WNK3: variants seen among roughly 807,000 people sequenced by gnomAD.
WNK3 encodes WNK lysine deficient protein kinase 3.
Under a neutral mutation model 116.7 loss-of-function variants are expected in WNK3, and 18 were observed. The ratio of observed to expected loss-of-function variants is 0.15; its 90% CI spans 0.11 to 0.23. The LOEUF (loss-of-function observed/expected upper bound fraction) is 0.23. Ranked by LOEUF, WNK3 falls within the 10% of genes least tolerant of loss-of-function variation. The probability of loss-of-function intolerance (pLI) is 1.00; values close to 1 mark genes in which losing one functional copy is unlikely to be tolerated. For synonymous variants in WNK3, 404 were observed against 469.4 expected, an observed-to-expected ratio of 0.86 and a Z score of 1.80; for missense variants, 993 against 1,323.8, an observed-to-expected ratio of 0.75 and a Z score of 3.88.
chrX:54,228,585 G>A, intron 22 of WNK3, 129 bp downstream of exon 22: 1 of 332,584 alleles, frequency 3.0e-6, no homozygotes, highest in Non-Finnish European at 5.5e-6. Context: ...AAATCAAATT[G>A]TGGTAATAGC....
At chrX:54,199,947 T>C (rs781828218) in intron 23 of WNK3, among the ~76,000 whole-genome samples, 5 of 112,737 alleles carry the variant, frequency 4.4e-5, no homozygotes, top group Non-Finnish European at 7.5e-5. Flanking sequence ...CTCTTTGCTC[T>C]CTTCACTTCA....
At chrX:54,252,178 C>T (rs2068140470) in intron 13 of WNK3, among the ~76,000 whole-genome samples, 1 of 110,401 alleles carries the variant, frequency 9.1e-6, no homozygotes, top group African/African-American at 3.3e-5. Flanking sequence ...CAATAAAATG[C>T]CAAAAAATAC....
chrX:54,333,832 A>T lies in WNK3; in HGVS notation c.-119-40T>A, dbSNP rs1471446423. The T allele has an allele frequency of 1.2e-5, 5 of 422,398 alleles. No individual in the cohort carries two copies. The Admixed American group carries it at 1.7e-4, about 15-fold the overall frequency. 34.8% of individuals were successfully genotyped at this position (422,398 alleles called of 1,213,427 possible). A position where few individuals can be genotyped will look rare whatever the true frequency, so the allele number is the denominator to read the frequency against. On this transcript the variant is annotated intron_variant, in intron 1 of 23. Transcript: ENST00000354646. ...AAAGATATTTTAAAATCACCCTACA[A>T]AGGAAATCATTAAGGAGAAAACAAA...
At chrX:54,328,397 C>T (rs891284721) in intron 2 of WNK3, among the ~76,000 whole-genome samples, 1 of 109,749 alleles carries the variant, frequency 9.1e-6, no homozygotes, top group African/African-American at 3.3e-5. Context: ...AGGCTGGGCA[C>T]GGTGGCTCAT....
intron 22 of WNK3, among the ~76,000 whole-genome samples, chrX:54,222,584 A>G (rs1272092949): frequency 9.4e-6 from 1 of 106,075 alleles, no homozygotes; most frequent in Non-Finnish European, 1.9e-5. Context: ...AATGAAAAGT[A>G]TAGTATAATA....
chrX:54,211,814 A>G (rs1603372343), intron 22 of WNK3, among the ~76,000 whole-genome samples: 1 of 111,256 alleles, frequency 9.0e-6, no homozygotes. Context: ...CCTCAAAAAA[A>G]AAGAGACAAT....
chrX:54,215,187 CCCTCTCTCTCCGTCT>C (rs2067672299), intron 22 of WNK3, among the ~76,000 whole-genome samples: 1 of 108,882 alleles, frequency 9.2e-6, no homozygotes, highest in Non-Finnish European at 1.9e-5. Flanking sequence ...CTGGAGCTCT[CCCTCTCTCTCCGTCT>C]CCTCTCTCCC....
At chrX:54,284,541 A>G (rs1364559857) in intron 10 of WNK3, among the ~76,000 whole-genome samples, 1 of 112,171 alleles carries the variant, frequency 8.9e-6, no homozygotes, top group African/African-American at 3.2e-5. Context: ...TACAAAAAAA[A>G]AAACTTATAT....
chrX:54,203,650 C>T (rs2067522550), intron 22 of WNK3, among the ~76,000 whole-genome samples: 2 of 111,009 alleles, frequency 1.8e-5, no homozygotes, highest in South Asian at 3.9e-4. Flanking sequence ...GGCTAGAATC[C>T]AGATATCCTG....
chrX:54,281,976 G>A (rs1557162520), intron 10 of WNK3, among the ~76,000 whole-genome samples: 1 of 104,930 alleles, frequency 9.5e-6, no homozygotes, highest in Non-Finnish European at 1.9e-5. Flanking sequence ...ATGCCCAGAA[G>A]TGGAATGGCT....
intron 7 of WNK3, among the ~76,000 whole-genome samples, chrX:54,297,206 C>A (rs1055685171): frequency 9.0e-6 from 1 of 111,251 alleles, no homozygotes; most frequent in African/African-American, 3.3e-5. Context: ...GCATGCTTGC[C>A]ATTCAGTTTT....
intron 10 of WNK3, among the ~76,000 whole-genome samples, chrX:54,278,176 G>A (rs1455898744): frequency 1.8e-5 from 2 of 109,276 alleles, no homozygotes; most frequent in East Asian, 5.7e-4. Flanking sequence ...TAACAAAAGA[G>A]CCTTAGGATT....
In WNK3 at chrX:54,207,093, A is replaced by G. The variant is rs782508521; in HGVS notation, c.4871-4900T>C. Among the ~76,000 whole-genome samples the G allele has an allele frequency of 6.6e-5, 7 of 106,417 alleles. No homozygotes were observed. The South Asian group carries it at 2.4e-3, about 36-fold the overall frequency. The allele number at this position is 106,417 out of a possible 115,157, so 92.4% of individuals were successfully genotyped here. On this transcript the variant is annotated intron_variant, in intron 22 of 23. Transcript: ENST00000354646. ...CTGTTTTCAGATAAAATGCTGCTTA[A>G]AAAAAAAAAAAGCTTCAACAGTTCT... is the stretch of plus-strand genomic sequence containing the variant.
chrX:54,335,231 G>A (rs1024131061), intron 1 of WNK3, among the ~76,000 whole-genome samples: 4 of 110,511 alleles, frequency 3.6e-5, no homozygotes, highest in Admixed American at 2.9e-4. Context: ...CCTGGGCGAC[G>A]GAGACTCTGT....
At chrX:54,293,679 T>C (rs2068665917) in intron 8 of WNK3, among the ~76,000 whole-genome samples, 1 of 111,984 alleles carries the variant, frequency 8.9e-6, no homozygotes, top group African/African-American at 3.2e-5. Context: ...CTTTCTCCTA[T>C]AACCTAGAAT....
At chrX:54,357,328 C>A (rs2069607074) in intron 1 of WNK3, among the ~76,000 whole-genome samples, 1 of 109,550 alleles carries the variant, frequency 9.1e-6, no homozygotes, top group Non-Finnish European at 1.9e-5. Flanking sequence ...AAGTTGTCAC[C>A]CCTCAACAAC....
intron 16 of WNK3, 38 bp from the exon 17 acceptor site, chrX:54,249,672 CGA>C (rs782618908): frequency 1.8e-6 from 2 of 1,137,176 alleles, no homozygotes; most frequent in Admixed American, 4.6e-5. Flanking sequence ...CACGTACTGA[CGA>C]GTACAAAGCA....
chrX:54,277,922 A>G (rs782403468), intron 10 of WNK3, among the ~76,000 whole-genome samples: 10 of 109,540 alleles, frequency 9.1e-5, no homozygotes, highest in African/African-American at 1.3e-4. Context: ...GCAAAACCTC[A>G]TCTCCACTAA....
At chrX:54,276,012 A>C (rs2068442579) in intron 10 of WNK3, among the ~76,000 whole-genome samples, 1 of 111,054 alleles carries the variant, frequency 9.0e-6, no homozygotes, top group African/African-American at 3.3e-5. Context: ...ACGTGGATGC[A>C]CCAAATAAGA....
Sources: gnomAD v4.1 joint callset for allele counts (sites outside exome capture counted in the v4.1 genomes callset) on GRCh38, gnomAD v4.1.1 for gene constraint, MANE v1.5 for transcripts, NCBI Gene and HGNC (gene_info 2026-07-23, HGNC 2026-07-21) for gene names.